Variants in PRR16 observed in about 807,000 individuals in gnomAD.
PRR16 encodes proline rich 16.
Under a neutral mutation model 18.2 loss-of-function variants are expected in PRR16, and 6 were observed. The observed-to-expected ratio is 0.33, with a 90% confidence interval of 0.18 to 0.65. PRR16 has a LOEUF of 0.65. Among genes scored for constraint, PRR16 ranks in the 30% least tolerant of loss-of-function variants. The probability of loss-of-function intolerance (pLI) is 0.74; values close to 1 mark genes in which losing one functional copy is unlikely to be tolerated. For missense variants in PRR16, 412 were observed against 376.6 expected (o/e 1.09, Z -0.78); for synonymous variants, 151 against 147.8 (o/e 1.02, Z -0.16).
chr5:120,585,579 G>A (rs1024961610), intron 1 of PRR16, among the ~76,000 whole-genome samples: 5 of 149,614 alleles, frequency 3.3e-5, no homozygotes, highest in Non-Finnish European at 4.4e-5. Context: ...AGATCGTGTC[G>A]TTCACTCCAG....
the PRR16 span, among the ~76,000 whole-genome samples, chr5:120,733,219 C>T: frequency 3.3e-5 from 5 of 152,140 alleles, no homozygotes; most frequent in East Asian, 9.7e-4. Context: ...AATTATAGCT[C>T]ACCGCAGCTT....
In PRR16 at chr5:120,597,495, T is replaced by A. The variant is rs555110724; in HGVS notation, c.160-88459T>A. Among the ~76,000 whole-genome samples, 3 of 151,866 alleles carry A rather than the reference T, an allele frequency of 2.0e-5. No individual in the cohort carries two copies. The East Asian group carries it at 5.8e-4, about 29-fold the overall frequency. On this transcript the variant is annotated intron_variant, in intron 1 of 1. Coordinates refer to ENST00000407149, the MANE Select transcript of PRR16 (RefSeq NM_001300783.2). ...AAATGTTTAATTAATACAGATTTAT[T>A]TTGGAATGTCATAGAAGCAGGAATA...
chr5:120,715,843 C>G, the PRR16 span, among the ~76,000 whole-genome samples: 2 of 152,154 alleles, frequency 1.3e-5, no homozygotes, highest in Non-Finnish European at 2.9e-5. Context: ...AGACATTTAT[C>G]AAGGCTTGCT....
Position 120,464,468 on chromosome 5 carries a change from C to A in PRR16, c.-19C>A, listed in dbSNP as rs763140035. 8 of 1,576,118 alleles carry A rather than the reference C, an allele frequency of 5.1e-6. No homozygotes were observed. The South Asian group carries it at 8.0e-5, about 16-fold the overall frequency. On this transcript the variant is annotated 5_prime_UTR_variant, in exon 1 of 2. Coordinates refer to ENST00000407149, the MANE Select transcript of PRR16 (RefSeq NM_001300783.2). ...CCGCTCGCCCGCCTGTCCTGACCTG[C>A]CTCGCTTGCCCCCAAAGAATGTCAG...
chr5:120,567,016 AAC>A (rs946776930), intron 1 of PRR16, among the ~76,000 whole-genome samples: 35 of 152,192 alleles, frequency 2.3e-4, no homozygotes, highest in African/African-American at 8.2e-4. Context: ...CACAGTTTCA[AAC>A]TAACAGTTTT....
At chr5:120,617,041 G>A in intron 1 of PRR16, 1 of 881,726 alleles carries the variant, frequency 1.1e-6, no homozygotes, top group African/African-American at 1.8e-5. Flanking sequence ...AGTGTTTTTT[G>A]GAAAGTCTAA....
intron 1 of PRR16, among the ~76,000 whole-genome samples, chr5:120,674,729 T>C (rs1756736782): frequency 6.6e-6 from 1 of 152,102 alleles, no homozygotes; most frequent in Admixed American, 6.5e-5. Context: ...ACAATTTCTC[T>C]TTTTCTGTTT....
the PRR16 span, among the ~76,000 whole-genome samples, chr5:120,762,313 ATT>A: frequency 1.3e-5 from 2 of 152,118 alleles, no homozygotes; most frequent in African/African-American, 4.8e-5. Flanking sequence ...TAATAATTGT[ATT>A]AATTTACATT....
intron 1 of PRR16, among the ~76,000 whole-genome samples, chr5:120,519,333 A>G (rs1751098137): frequency 6.6e-6 from 1 of 152,194 alleles, no homozygotes; most frequent in South Asian, 2.1e-4. Flanking sequence ...AATGGCAAAT[A>G]TAAAAAATGA....
the PRR16 span, among the ~76,000 whole-genome samples, chr5:120,753,891 A>G: frequency 7.8e-6 from 1 of 127,548 alleles, no homozygotes; most frequent in East Asian, 2.1e-4. Flanking sequence ...TATATTATAT[A>G]TAATATATAT....
chr5:120,740,220 C>T, the PRR16 span, among the ~76,000 whole-genome samples: 3 of 152,164 alleles, frequency 2.0e-5, no homozygotes, highest in African/African-American at 7.2e-5. Flanking sequence ...CTCTTCTCTT[C>T]TTACTGACCC....
the PRR16 span, among the ~76,000 whole-genome samples, chr5:120,785,572 G>GTT: frequency 5.8e-5 from 7 of 119,948 alleles, no homozygotes; most frequent in Non-Finnish European, 1.0e-4. Flanking sequence ...TTTTGTTGTT[G>GTT]TTGTTTTTTT....
chr5:120,652,614 GAATGACATTCAACAA>G (rs1755830278), intron 1 of PRR16, among the ~76,000 whole-genome samples: 1 of 151,896 alleles, frequency 6.6e-6, no homozygotes, highest in Non-Finnish European at 1.5e-5. Flanking sequence ...AACCCCAACT[GAATGACATTCAACAA>G]AATGCCTGAC....
chr5:120,781,817 ATTTTC>A, the PRR16 span, among the ~76,000 whole-genome samples: 5 of 152,074 alleles, frequency 3.3e-5, no homozygotes, highest in African/African-American at 1.2e-4. Context: ...TCTATAGCTT[ATTTTC>A]TTAGGGAATT....
the PRR16 span, among the ~76,000 whole-genome samples, chr5:120,754,802 G>C: frequency 6.7e-6 from 1 of 149,762 alleles, no homozygotes; most frequent in Non-Finnish European, 1.5e-5. Context: ...CTATACCATT[G>C]GTAAATTAAA....
intron 1 of PRR16, among the ~76,000 whole-genome samples, chr5:120,528,704 C>T (rs890066941): frequency 1.3e-5 from 2 of 152,076 alleles, no homozygotes; most frequent in African/African-American, 4.8e-5. Flanking sequence ...ATGGAAAGTT[C>T]AGTCTGAGCA....
chr5:120,580,580 G>A (rs200996860), intron 1 of PRR16, among the ~76,000 whole-genome samples: 7 of 150,304 alleles, frequency 4.7e-5, no homozygotes, highest in Non-Finnish European at 1.0e-4. Flanking sequence ...TCAGCCTCCC[G>A]AGTAGCTGGG....
the PRR16 span, among the ~76,000 whole-genome samples, chr5:120,705,286 G>A: frequency 6.6e-6 from 1 of 151,982 alleles, no homozygotes; most frequent in Non-Finnish European, 1.5e-5. Flanking sequence ...GTGCAGTTAA[G>A]CTAAACTATC....
chr5:120,681,575 A>G (rs17501872), intron 1 of PRR16, among the ~76,000 whole-genome samples: 16,428 of 152,086 alleles, frequency 0.11, 1,160 homozygotes, highest in Non-Finnish European at 0.15. Flanking sequence ...TTGTTTATCT[A>G]TGCTTCTTGC....
Sources: allele counts gnomAD v4.1 joint callset (sites outside exome capture counted in the v4.1 genomes callset), GRCh38; gene constraint gnomAD v4.1.1; transcripts MANE v1.5; gene names NCBI Gene and HGNC (gene_info 2026-07-23, HGNC 2026-07-21).